MRTFB: variants seen among roughly 807,000 people sequenced by gnomAD.
MRTFB encodes the protein myocardin related transcription factor B, also known as myocardin-related transcription factor B.
A neutral mutation model predicts 104.2 loss-of-function variants in MRTFB; 29 were observed. That is an observed-to-expected ratio of 0.28 (90% CI 0.21 to 0.38). The LOEUF (loss-of-function observed/expected upper bound fraction) is 0.38. MRTFB is among the 10% of genes least tolerant of loss of function. The pLI is 1.00. For missense variants in MRTFB, 1,270 were observed against 1,341.6 expected, an observed-to-expected ratio of 0.95 and a Z score of 0.83; for synonymous variants, 535 against 519.5, an observed-to-expected ratio of 1.03 and a Z score of -0.41.
the MRTFB span, among the ~76,000 whole-genome samples, chr16:14,023,141 C>G: frequency 6.6e-6 from 1 of 152,072 alleles, no homozygotes; most frequent in African/African-American, 2.4e-5. Context: ...AGCTGGTTTA[C>G]AAATATGGGC....
chr16:14,009,603 A>G, the MRTFB span: 3 of 152,200 alleles, frequency 2.0e-5, no homozygotes, highest in Non-Finnish European at 4.4e-5. Flanking sequence ...TTTAGAGGGA[A>G]AGCTTTCAGT....
At chr16:14,166,260 T>C (rs1196616419) in intron 3 of MRTFB, among the ~76,000 whole-genome samples, 1 of 149,518 alleles carries the variant, frequency 6.7e-6, no homozygotes, top group East Asian at 1.9e-4. Context: ...TTGAAACAAT[T>C]CAACCATAAA....
chr16:14,102,932 T>C (rs962222085), intron 2 of MRTFB, among the ~76,000 whole-genome samples: 4 of 152,222 alleles, frequency 2.6e-5, no homozygotes, highest in African/African-American at 7.2e-5. Flanking sequence ...GTAGAGCATG[T>C]TGAGTGATAC....
At chr16:14,154,407 A>G (rs899574286) in intron 3 of MRTFB, among the ~76,000 whole-genome samples, 1 of 152,232 alleles carries the variant, frequency 6.6e-6, no homozygotes, top group Admixed American at 6.5e-5. Flanking sequence ...AATTTTAAAA[A>G]TAAAATGGAT....
chr16:14,218,916 A>T lies in MRTFB; in HGVS notation c.611A>T (p.Glu204Val). 1.9e-6 allele frequency: 3 copies of T among 1,614,124 alleles called. No homozygotes were observed. Among genetic ancestry groups the T allele is most frequent in the Non-Finnish European group, 2.5e-6 (3 of 1,180,018 alleles). Residue 204 changes from glutamate to valine, a missense_variant, in exon 8 of 17, where the codon GAG (glutamate) becomes GTG (valine). By Grantham distance (121) the Glu-to-Val change is moderately radical (BLOSUM62 -2). This residue lies in a region of MRTFB where 1,144 missense variants were observed against 1,131.5 expected (regional missense o/e 1.01). Transcript: ENST00000571589. ...ALSPDQPASQ[E>V]SQGSAASPSE... Reference sequence around the variant, plus strand: ...TCTCCGGACCAGCCTGCGAGTCAGGAGTCACAGGGGTCAGCCGCGTCCCCA... The same window carrying T: ...TCTCCGGACCAGCCTGCGAGTCAGGTGTCACAGGGGTCAGCCGCGTCCCCA...
At chr16:14,075,868 C>G (rs1193404379) in intron 1 of MRTFB, among the ~76,000 whole-genome samples, 3 of 152,138 alleles carry the variant, frequency 2.0e-5, no homozygotes, top group African/African-American at 7.2e-5. Flanking sequence ...TCTTTTGCTT[C>G]TTTTTGCGAG....
At chr16:14,143,666 C>G (rs971448717) in intron 3 of MRTFB, 1 of 152,046 alleles carries the variant, frequency 6.6e-6, no homozygotes, top group Admixed American at 6.5e-5. Flanking sequence ...CCCCCCGGCA[C>G]TGAAAATTTC....
intron 9 of MRTFB, among the ~76,000 whole-genome samples, chr16:14,239,987 G>A (rs998124157): frequency 3.3e-5 from 5 of 152,214 alleles, no homozygotes; most frequent in Non-Finnish European, 5.9e-5. Context: ...CATTGAGTTT[G>A]AACAGCTCAT....
chr16:14,224,622 T>C (rs1042400469), intron 8 of MRTFB, among the ~76,000 whole-genome samples: 1 of 152,090 alleles, frequency 6.6e-6, no homozygotes, highest in African/African-American at 2.4e-5. Flanking sequence ...GAATCCTCAA[T>C]AAGACTATCA....
At chr16:14,091,651 T>A (rs2035071614) in intron 2 of MRTFB, among the ~76,000 whole-genome samples, 1 of 152,090 alleles carries the variant, frequency 6.6e-6, no homozygotes, top group Non-Finnish European at 1.5e-5. Flanking sequence ...TCTAGGCATA[T>A]GGGTTGGACC....
chr16:14,015,203 T>C, the MRTFB span, among the ~76,000 whole-genome samples: 1 of 152,236 alleles, frequency 6.6e-6, no homozygotes. Context: ...AACAAAAGGC[T>C]TGGAGGTGTC....
the MRTFB span, among the ~76,000 whole-genome samples, chr16:14,003,414 C>T: frequency 6.6e-6 from 1 of 152,242 alleles, no homozygotes; most frequent in South Asian, 2.1e-4. Flanking sequence ...CCCTCCACCC[C>T]CGCACGCTCA....
At chr16:14,108,331 A>G (rs4781572) in intron 2 of MRTFB, among the ~76,000 whole-genome samples, 2 of 152,178 alleles carry the variant, frequency 1.3e-5, no homozygotes, top group Non-Finnish European at 2.9e-5. Context: ...TTTGAATAAG[A>G]TGAACTTCTA....
At chr16:14,184,072 T>TTAA (rs375735001) in intron 3 of MRTFB, among the ~76,000 whole-genome samples, 3 of 121,794 alleles carry the variant, frequency 2.5e-5, no homozygotes, top group African/African-American at 6.3e-5. Context: ...TCCTGAAATT[T>TTAA]AAAAAAAAAA....
chr16:14,213,147 CA>C (rs1026978363), intron 5 of MRTFB, among the ~76,000 whole-genome samples: 11 of 152,046 alleles, frequency 7.2e-5, no homozygotes, highest in Middle Eastern at 6.8e-3. Context: ...ATGAACTTAC[CA>C]AAGAAAACAC....
intron 3 of MRTFB, among the ~76,000 whole-genome samples, chr16:14,196,457 C>T (rs916140849): frequency 3.9e-5 from 6 of 152,214 alleles, no homozygotes; most frequent in African/African-American, 1.4e-4. Flanking sequence ...GAGGTCTATA[C>T]CACCTGCCAC....
At chr16:14,122,479 C>T (rs1042952459) in intron 2 of MRTFB, among the ~76,000 whole-genome samples, 19 of 152,124 alleles carry the variant, frequency 1.2e-4, no homozygotes, top group African/African-American at 4.3e-4. Context: ...GTTTCCCTCC[C>T]TGTGTCCATG....
At chr16:14,112,972 T>C (rs1171350921) in intron 2 of MRTFB, among the ~76,000 whole-genome samples, 3 of 152,236 alleles carry the variant, frequency 2.0e-5, no homozygotes, top group Admixed American at 6.5e-5. Context: ...ATTTTACTTA[T>C]TTACTTATTG....
chr16:14,033,607 C>T, the MRTFB span, among the ~76,000 whole-genome samples: 1 of 151,722 alleles, frequency 6.6e-6, no homozygotes, highest in Non-Finnish European at 1.5e-5. Context: ...GAGGCTGAGG[C>T]GTGTGGATCA....
Sources: gnomAD v4.1 joint callset for allele counts (sites outside exome capture counted in the v4.1 genomes callset) on GRCh38, gnomAD v4.1.1 for gene constraint, gnomAD v4.1.1 regional missense constraint, MANE v1.5 for transcripts, NCBI Gene and HGNC (gene_info 2026-07-23, HGNC 2026-07-21) for gene names.